GABRG2: variants seen among roughly 807,000 people sequenced by gnomAD.
GABRG2 encodes the protein gamma-aminobutyric acid type A receptor subunit gamma2, also known as gamma-aminobutyric acid receptor subunit gamma-2.
A neutral mutation model predicts 56.4 loss-of-function variants in GABRG2; 16 were observed. The observed-to-expected ratio is 0.28, with a 90% CI of 0.19 to 0.43. The LOEUF is 0.43. Ranked by LOEUF, GABRG2 falls within the 20% of genes least tolerant of loss-of-function variation. The pLI is 1.00. For missense variants in GABRG2, 327 were observed against 582.7 expected, an observed-to-expected ratio of 0.56 and a Z score of 4.52; for synonymous variants, 208 against 205.5, an observed-to-expected ratio of 1.01 and a Z score of -0.10.
chr5:162,076,025 G>A (rs1013568010), intron 1 of GABRG2, among the ~76,000 whole-genome samples: 10 of 151,946 alleles, frequency 6.6e-5, no homozygotes, highest in South Asian at 4.2e-4. Context: ...GGTAGTGCAC[G>A]CCTGTGGTCC....
At chr5:162,084,174 T>G (rs1223678444) in intron 1 of GABRG2, among the ~76,000 whole-genome samples, 3 of 151,782 alleles carry the variant, frequency 2.0e-5, no homozygotes, top group Non-Finnish European at 4.4e-5. Flanking sequence ...TATAATTAGA[T>G]ATGCTGAAGG....
intron 1 of GABRG2, among the ~76,000 whole-genome samples, chr5:162,084,034 T>C (rs1759863083): frequency 6.6e-6 from 1 of 151,826 alleles, no homozygotes; most frequent in African/African-American, 2.4e-5. Context: ...AACAATGTAA[T>C]CAAATTTTAA....
chr5:162,121,709 T>C (rs187258588), intron 6 of GABRG2, among the ~76,000 whole-genome samples: 13 of 152,130 alleles, frequency 8.5e-5, no homozygotes, highest in African/African-American at 2.9e-4. Flanking sequence ...GCCTGGCACA[T>C]AGTAGGTGCT....
At chr5:162,129,538 C>T (rs1299425751) in intron 6 of GABRG2, among the ~76,000 whole-genome samples, 1 of 151,736 alleles carries the variant, frequency 6.6e-6, no homozygotes, top group Non-Finnish European at 1.5e-5. Context: ...GGTCTGAGTC[C>T]TTGTGCTAAA....
At chr5:162,094,691 T>C (rs1480675373) in intron 2 of GABRG2, 1 of 152,570 alleles carries the variant, frequency 6.6e-6, no homozygotes, top group East Asian at 1.9e-4. Context: ...AAGGCAAGGA[T>C]GTGAATGCCG....
chr5:162,153,108 A>G lies in GABRG2; in HGVS notation c.1168A>G (p.Ile390Val). The G allele has an allele frequency of 6.2e-7, 1 of 1,614,036 alleles. No homozygotes were observed. The highest frequency in any genetic ancestry group is 1.1e-5 in the South Asian group (1 of 91,084). The change falls in exon 10 of 10, where the codon ATC (isoleucine) becomes GTC (valine). Residue 390 changes from isoleucine (I) to valine (V), a missense_variant. Ile to Val is a conservative substitution (Grantham distance 29, BLOSUM62 3). Around this residue, in one of 4 missense-constraint regions of GABRG2, gnomAD observed 108 missense variants for 144.2 expected, o/e 0.75. Coordinates refer to ENST00000639213, the MANE Select transcript of GABRG2 (RefSeq NM_198904.4). ...CTCGTCCCAGGCCCCTACCATTGAT[A>G]TCCGCCCAAGATCAGCAACCATTCA... Reference protein sequence around the residue: ...MFSFKAPTIDIRPRSATIQMN... With the variant: ...MFSFKAPTIDVRPRSATIQMN...
chr5:162,100,373 A>G (rs1453217818), intron 4 of GABRG2: 1 of 152,184 alleles, frequency 6.6e-6, no homozygotes, highest in Non-Finnish European at 1.5e-5. Flanking sequence ...TAATATCTGT[A>G]CAATGTAAGA....
intron 4 of GABRG2, 198 bp downstream of exon 4, chr5:162,098,056 C>T: frequency 3.4e-6 from 2 of 592,414 alleles, no homozygotes; most frequent in East Asian, 5.7e-5. Flanking sequence ...TTTCAAAGCA[C>T]TAATTATAGG....
At chr5:162,105,567 C>A (rs1029476522) in intron 6 of GABRG2, among the ~76,000 whole-genome samples, 1 of 150,738 alleles carries the variant, frequency 6.6e-6, no homozygotes, top group African/African-American at 2.4e-5. Flanking sequence ...GTAGCTGGGA[C>A]TACAGGCGCC....
At chr5:162,132,516 T>C (rs1282071476) in intron 6 of GABRG2, among the ~76,000 whole-genome samples, 2 of 152,008 alleles carry the variant, frequency 1.3e-5, no homozygotes, top group African/African-American at 2.4e-5. Context: ...GGATTACAAC[T>C]CTGACAAATC....
intron 1 of GABRG2, among the ~76,000 whole-genome samples, chr5:162,077,070 C>T (rs868247310): frequency 4.1e-5 from 4 of 97,550 alleles, no homozygotes; most frequent in South Asian, 7.6e-4. Context: ...ATAACAACTA[C>T]CCCTGTGTGT....
At chr5:162,073,144 G>A (rs542539313) in intron 1 of GABRG2, among the ~76,000 whole-genome samples, 27 of 151,750 alleles carry the variant, frequency 1.8e-4, no homozygotes, top group African/African-American at 4.8e-4. Flanking sequence ...TCAAAATGTC[G>A]AATCTATAGA....
chr5:162,097,547 T>C lies in GABRG2; in HGVS notation c.328-91T>C, dbSNP rs1253563580. On this transcript the variant is annotated intron_variant, in intron 3 of 9. Transcript: ENST00000639213. Reference sequence around the variant, plus strand: ...AAAGCCAAGATAGCTTTGCTTCATATTGGCAAAGAAAACAGGAATGAAATA... The same window carrying C: ...AAAGCCAAGATAGCTTTGCTTCATACTGGCAAAGAAAACAGGAATGAAATA... 5.8e-6 allele frequency: 6 copies of C among 1,033,246 alleles called. No individual in the cohort carries two copies. In the Admixed American group the frequency reaches 9.3e-5, roughly 16 times the overall value. The allele number at this position is 1,033,246 out of a possible 1,614,324, so 64.0% of individuals were successfully genotyped here.
intron 6 of GABRG2, among the ~76,000 whole-genome samples, chr5:162,137,301 T>C (rs1764206296): frequency 6.6e-6 from 1 of 152,230 alleles, no homozygotes. Context: ...AAATAAAATA[T>C]GTTTTTTATA....
chr5:162,142,587 A>T (rs990130452), intron 7 of GABRG2: 1 of 372,390 alleles, frequency 2.7e-6, no homozygotes, highest in African/African-American at 2.1e-5. Context: ...TGATGAGTTC[A>T]TGTCCTTTGT....
intron 6 of GABRG2, among the ~76,000 whole-genome samples, chr5:162,126,823 C>G (rs1331098962): frequency 6.6e-6 from 1 of 151,966 alleles, no homozygotes; most frequent in Non-Finnish European, 1.5e-5. Context: ...TCCTTGAAGT[C>G]TCTCATTGTA....
chr5:162,114,029 T>A (rs169793), intron 6 of GABRG2, among the ~76,000 whole-genome samples: 90,088 of 152,084 alleles, frequency 0.59, 26,963 homozygotes, highest in African/African-American at 0.66. Flanking sequence ...CTCCTGCCTA[T>A]AGCAGGGTCT....
chr5:162,079,404 A>C (rs997125214), intron 1 of GABRG2, among the ~76,000 whole-genome samples: 2 of 152,244 alleles, frequency 1.3e-5, no homozygotes, highest in African/African-American at 4.8e-5. Context: ...CACGTAAAGC[A>C]CAAAATTAGA....
At chr5:162,090,927 C>G (rs964083238) in intron 1 of GABRG2, among the ~76,000 whole-genome samples, 1 of 152,078 alleles carries the variant, frequency 6.6e-6, no homozygotes, top group Non-Finnish European at 1.5e-5. Context: ...TTCATTATTC[C>G]TAGATAGCCT....
Sources: gnomAD v4.1 joint callset for allele counts (sites outside exome capture counted in the v4.1 genomes callset) on GRCh38, gnomAD v4.1.1 for gene constraint, gnomAD v4.1.1 regional missense constraint, MANE v1.5 for transcripts, NCBI Gene and HGNC (gene_info 2026-07-23, HGNC 2026-07-21) for gene names.